The following KCNJ6 variants were observed in gnomAD, a reference collection of about 807,000 sequenced individuals.
KCNJ6 encodes the protein potassium inwardly rectifying channel subfamily J member 6, also known as G protein-activated inward rectifier potassium channel 2.
In KCNJ6, 9 loss-of-function variants were observed where a neutral mutation model predicts 34.2. The observed-to-expected ratio is 0.26, with a 90% CI of 0.16 to 0.46. The LOEUF (loss-of-function observed/expected upper bound fraction) is 0.46. KCNJ6 is among the 20% of genes least tolerant of loss of function. The pLI is 1.00. For missense variants in KCNJ6, 236 were observed against 531.3 expected (o/e 0.44, Z 5.46); for synonymous variants, 196 against 207.1 (o/e 0.95, Z 0.46).
intron 2 of KCNJ6, among the ~76,000 whole-genome samples, chr21:37,769,939 T>C (rs1363518445): frequency 1.3e-5 from 2 of 152,190 alleles, no homozygotes; most frequent in Non-Finnish European, 2.9e-5. Context: ...GCCATCCTCA[T>C]CAGATAATTG....
chr21:37,687,803 T>G (rs2054622278), intron 3 of KCNJ6, among the ~76,000 whole-genome samples: 1 of 152,186 alleles, frequency 6.6e-6, no homozygotes, highest in Admixed American at 6.5e-5. Context: ...GATGCTGGGA[T>G]GGACTGCACG....
At chr21:37,716,525 G>A (rs35223737) in intron 2 of KCNJ6, among the ~76,000 whole-genome samples, 1 of 151,834 alleles carries the variant, frequency 6.6e-6, no homozygotes, top group Admixed American at 6.6e-5. Flanking sequence ...AGGAGGCTCA[G>A]GCTTATGTCA....
intron 2 of KCNJ6, among the ~76,000 whole-genome samples, chr21:37,753,109 G>A (rs1305664373): frequency 6.6e-6 from 1 of 152,246 alleles, no homozygotes; most frequent in Admixed American, 6.5e-5. Context: ...GCATGGAAAG[G>A]TGCTTGCAGA....
chr21:37,780,491 C>T (rs2055164038), intron 2 of KCNJ6, among the ~76,000 whole-genome samples: 1 of 151,334 alleles, frequency 6.6e-6, no homozygotes, highest in African/African-American at 2.4e-5. Flanking sequence ...TATATCAATA[C>T]TGGTTCATCA....
Position 37,713,925 on chromosome 21 carries a change from C to G in KCNJ6, c.946+286G>C, listed in dbSNP as rs377650991. Among the ~76,000 whole-genome samples, 53 of 152,192 alleles carry G rather than the reference C, an allele frequency of 3.5e-4. 1 individual carries two copies. In the South Asian group the frequency reaches 0.011, roughly 31 times the overall value. ...TTTAAAACATGCTTTAGAGACAGAT[C>G]AGAGTTTAATTTAGGTAAATATTTG... On this transcript the variant is annotated intron_variant, in intron 3 of 3. Transcript: ENST00000609713.
chr21:37,786,013 C>T (rs2055191125), intron 2 of KCNJ6, among the ~76,000 whole-genome samples: 1 of 152,212 alleles, frequency 6.6e-6, no homozygotes, highest in East Asian at 1.9e-4. Context: ...AGAAATAAAT[C>T]TGTGGTTTAT....
chr21:37,709,975 T>C (rs2054742776), intron 3 of KCNJ6, among the ~76,000 whole-genome samples: 1 of 152,210 alleles, frequency 6.6e-6, no homozygotes, highest in Non-Finnish European at 1.5e-5. Context: ...TAAAGTGTTC[T>C]CTGGTGTGTT....
intron 1 of KCNJ6, among the ~76,000 whole-genome samples, chr21:37,896,457 G>A (rs1183307021): frequency 6.6e-6 from 1 of 152,196 alleles, no homozygotes; most frequent in Non-Finnish European, 1.5e-5. Flanking sequence ...GCTGATGTGG[G>A]GCTGACTGCT....
chr21:37,663,201 T>C (rs2054498108), intron 3 of KCNJ6, among the ~76,000 whole-genome samples: 1 of 152,160 alleles, frequency 6.6e-6, no homozygotes, highest in South Asian at 2.1e-4. Flanking sequence ...GGGTATTGAA[T>C]TGTTGTAAAT....
chr21:37,730,167 C>T (rs931590918), intron 2 of KCNJ6, among the ~76,000 whole-genome samples: 3 of 152,216 alleles, frequency 2.0e-5, no homozygotes, highest in African/African-American at 7.2e-5. Context: ...TGGAGACAGC[C>T]AGTCCTGGGG....
chr21:37,768,695 A>G (rs1339873679), intron 2 of KCNJ6, among the ~76,000 whole-genome samples: 2 of 152,230 alleles, frequency 1.3e-5, no homozygotes, highest in Non-Finnish European at 2.9e-5. Context: ...ATTATCTCCA[A>G]TAAGCACAAG....
At chr21:37,736,192 C>T (rs1720225186) in intron 2 of KCNJ6, among the ~76,000 whole-genome samples, 1 of 146,384 alleles carries the variant, frequency 6.8e-6, no homozygotes, top group Non-Finnish European at 1.5e-5. Flanking sequence ...GAGCCCTGTG[C>T]TAGGCCCTGG....
chr21:37,740,694 A>C (rs1461822650), intron 2 of KCNJ6, among the ~76,000 whole-genome samples: 1 of 152,152 alleles, frequency 6.6e-6, no homozygotes, highest in Non-Finnish European at 1.5e-5. Flanking sequence ...AATCTCTTCA[A>C]ATATTTTACA....
intron 1 of KCNJ6, among the ~76,000 whole-genome samples, chr21:37,892,058 T>C (rs190344201): frequency 2.6e-5 from 4 of 152,354 alleles, no homozygotes; most frequent in African/African-American, 9.6e-5. Flanking sequence ...TTCTTGTGAT[T>C]CTTCTTTAAA....
chr21:37,701,394 T>TG (rs1192856800), intron 3 of KCNJ6, among the ~76,000 whole-genome samples: 137 of 110,196 alleles, frequency 1.2e-3, no homozygotes, highest in East Asian at 0.011. Context: ...AGGTTAACTT[T>TG]TTGTGTGTGT....
In KCNJ6 at chr21:37,768,366, C is replaced by T. The variant is rs148756766; in HGVS notation, c.26-53235G>A. On this transcript the variant is annotated intron_variant, in intron 2 of 3. Coordinates refer to ENST00000609713, the MANE Select transcript of KCNJ6 (RefSeq NM_002240.5). Reference sequence around the variant, plus strand: ...CATTAATGATAACATAAGAGAATGACATCCAAGCTCCTTCCGGAGTTGCTG... The same window carrying T: ...CATTAATGATAACATAAGAGAATGATATCCAAGCTCCTTCCGGAGTTGCTG... 3.9e-5 allele frequency among the ~76,000 whole-genome samples: 6 copies of T among 152,312 alleles called. No homozygotes were observed. In the East Asian group the frequency reaches 9.6e-4, roughly 24 times the overall value.
At position 37,652,922 on chromosome 21, in the gene KCNJ6, G is replaced by T. The variant is rs188395747; in HGVS notation, c.947-27438C>A. On this transcript the variant is annotated intron_variant, in intron 3 of 3. Coordinates refer to ENST00000609713, the MANE Select transcript of KCNJ6 (RefSeq NM_002240.5). ...CTGAGTAAGTCCATTTGCTGAGAGG[G>T]AATGAGTGGAGAAAGTTTGAAATGC... is the stretch of plus-strand genomic sequence containing the variant. Among the ~76,000 whole-genome samples, 50 of 152,340 alleles carry T rather than the reference G, an allele frequency of 3.3e-4. 1 individual carries two copies. In the East Asian group the frequency reaches 8.1e-3, roughly 25 times the overall value.
chr21:37,763,941 T>TAAC (rs2055078417), intron 2 of KCNJ6, among the ~76,000 whole-genome samples: 1 of 152,136 alleles, frequency 6.6e-6, no homozygotes, highest in South Asian at 2.1e-4. Context: ...CCCTAGAACT[T>TAAC]AAAGTATAAT....
At chr21:37,635,220 T>C (rs775471866) in intron 3 of KCNJ6, among the ~76,000 whole-genome samples, 6 of 152,072 alleles carry the variant, frequency 3.9e-5, no homozygotes, top group African/African-American at 7.2e-5. Context: ...TACTTTATTT[T>C]ATTTATTTAT....
Sources: allele counts gnomAD v4.1 joint callset (sites outside exome capture counted in the v4.1 genomes callset), GRCh38; gene constraint gnomAD v4.1.1; transcripts MANE v1.5; gene names NCBI Gene and HGNC (gene_info 2026-07-23, HGNC 2026-07-21).